VPS35L: variants seen among roughly 807,000 people sequenced by gnomAD.
VPS35L encodes the protein VPS35 endosomal protein-sorting factor-like.
In VPS35L, 83 loss-of-function variants were observed where a neutral mutation model predicts 133.0. That is an observed-to-expected ratio of 0.62 (90% CI 0.52 to 0.75). The LOEUF (loss-of-function observed/expected upper bound fraction) is 0.75, where lower values mean the gene tolerates loss of function less well. Among genes scored for constraint, VPS35L ranks in the 30% least tolerant of loss-of-function variants. The pLI is 0.00. For missense variants in VPS35L, 1,083 were observed against 1,206.8 expected (o/e 0.90, Z 1.52); for synonymous variants, 423 against 449.9 (o/e 0.94, Z 0.76).
chr16:19,569,575 C>T lies in VPS35L; in HGVS notation c.269C>T (p.Ala90Val), dbSNP rs1452799898. Residue 90 changes from alanine (A) to valine (V), a missense_variant, in exon 3 of 31, where the codon GCC becomes GTC. Coordinates refer to ENST00000417362, the MANE Select transcript of VPS35L (RefSeq NM_020314.7). ...SMFAATADPA[A>V]LAAAMDSSRR... ...TTTGCAGCCACTGCTGACCCCGCAG[C>T]CTTGGCAGCTGCCATGGTAATGCAC... 10 of 1,555,954 alleles carry T rather than the reference C, an allele frequency of 6.4e-6. No individual in the cohort carries two copies. The highest frequency in any genetic ancestry group is 1.4e-5 in the African/African-American group (1 of 72,910).
At position 19,569,448 on chromosome 16, in the gene VPS35L, G is replaced by T. The variant is rs749822818; in HGVS notation, c.142G>T (p.Val48Leu). Residue 48 changes from valine to leucine, a missense_variant, in exon 3 of 31, where the codon GTG (valine) becomes TTG (leucine). Coordinates refer to ENST00000417362, the MANE Select transcript of VPS35L (RefSeq NM_020314.7). ...ITVTESKTKK[V>L]NRKGSTSSTS... is the part of the protein sequence containing the mutation. The stretch of plus-strand genomic sequence containing the variant: ...GGTCACAGAGTCAAAGACAAAGAAA[G>T]TGAACCGGAAAGGAAGCACTTCTTC... 1 of 1,597,882 alleles carries T rather than the reference G, an allele frequency of 6.3e-7. No individual in the cohort carries two copies. The highest frequency in any genetic ancestry group is 1.3e-5 in the African/African-American group (1 of 74,562).
intron 6 of VPS35L, among the ~76,000 whole-genome samples, chr16:19,580,881 G>T (rs765804158): frequency 9.9e-5 from 15 of 152,034 alleles, no homozygotes; most frequent in Non-Finnish European, 1.8e-4. Flanking sequence ...TGAAATTGGG[G>T]TATATGTTCC....
At chr16:19,560,948 G>A (rs185248921) in intron 1 of VPS35L, among the ~76,000 whole-genome samples, 10 of 152,044 alleles carry the variant, frequency 6.6e-5, no homozygotes, top group Non-Finnish European at 1.5e-4. Context: ...TGGGATGGGA[G>A]TTTGGAGGAA....
At chr16:19,568,989 A>T (rs944266799) in intron 2 of VPS35L, among the ~76,000 whole-genome samples, 1 of 152,176 alleles carries the variant, frequency 6.6e-6, no homozygotes, top group African/African-American at 2.4e-5. Context: ...AAGGCAAAAA[A>T]AAAGTACCTG....
chr16:19,584,335 T>A (rs2151520412), intron 7 of VPS35L, among the ~76,000 whole-genome samples: 1 of 152,244 alleles, frequency 6.6e-6, no homozygotes, highest in African/African-American at 2.4e-5. Context: ...TGTGTAAGAG[T>A]TCCCTTTTCG....
chr16:19,689,124 G>A (rs1346276990), intron 28 of VPS35L, among the ~76,000 whole-genome samples: 2 of 150,108 alleles, frequency 1.3e-5, no homozygotes, highest in Admixed American at 6.7e-5. Context: ...GACTACAGGC[G>A]CGTGCCACCA....
At chr16:19,691,301 C>T in intron 28 of VPS35L, 52 bp from the exon 29 acceptor site, 1 of 1,477,126 alleles carries the variant, frequency 6.8e-7, no homozygotes, top group Non-Finnish European at 9.5e-7. Context: ...TCTCCCTGGC[C>T]AGCATGGCCG....
intron 5 of VPS35L, chr16:19,578,435 C>G: frequency 2.5e-6 from 1 of 401,620 alleles, no homozygotes; most frequent in Non-Finnish European, 4.8e-6. Flanking sequence ...CTGAAATAGA[C>G]GGCCGCAGAG....
chr16:19,582,371 A>G (rs919228248), intron 7 of VPS35L, among the ~76,000 whole-genome samples: 2 of 152,234 alleles, frequency 1.3e-5, no homozygotes, highest in African/African-American at 2.4e-5. Flanking sequence ...GACAGATCCC[A>G]TTCTCATTCC....
At chr16:19,581,850 T>C (rs1474349080) in intron 7 of VPS35L, 197 bp downstream of exon 7, 1 of 668,978 alleles carries the variant, frequency 1.5e-6, no homozygotes, top group Non-Finnish European at 2.5e-6. Flanking sequence ...GGTTACCATG[T>C]GCAGCTGCAC....
chr16:19,563,858 T>A (rs1971100913), intron 1 of VPS35L, among the ~76,000 whole-genome samples: 1 of 152,222 alleles, frequency 6.6e-6, no homozygotes, highest in Admixed American at 6.5e-5. Flanking sequence ...CTCCTGTTTA[T>A]CTGTGCAGCT....
intron 8 of VPS35L, among the ~76,000 whole-genome samples, chr16:19,596,879 C>T (rs1295339657): frequency 2.0e-5 from 3 of 151,728 alleles, no homozygotes; most frequent in Admixed American, 6.6e-5. Flanking sequence ...ATTAGCTGTG[C>T]GAGGTGGTAC....
chr16:19,653,411 C>T (rs1001705548), intron 26 of VPS35L, among the ~76,000 whole-genome samples: 1 of 152,224 alleles, frequency 6.6e-6, no homozygotes, highest in East Asian at 1.9e-4. Context: ...ATTTCATCCT[C>T]CCAGAAGCCA....
rs1270284332 is a variant in VPS35L, at chr16:19,633,543, G to A, written c.1635+371G>A. On this transcript the variant is annotated intron_variant, in intron 19 of 30. Coordinates refer to ENST00000417362, the MANE Select transcript of VPS35L (RefSeq NM_020314.7). The surrounding 1 kb of genome is among the most constrained non-coding windows in gnomAD (Gnocchi z 4.1). ...TTTTTTCCTTTTTTTTTGAAACAGG[G>A]TCTCGCTCAGTCACGGAGGCTGGAG... is the stretch of plus-strand genomic sequence containing the variant. 6.6e-6 allele frequency among the ~76,000 whole-genome samples: 1 copy of A among 152,070 alleles called. No individual in the cohort carries two copies. Among genetic ancestry groups the A allele is most frequent in the Non-Finnish European group, 1.5e-5 (1 of 68,006 alleles).
chr16:19,700,145 A>T (rs2151634325), intron 30 of VPS35L, among the ~76,000 whole-genome samples: 1 of 152,286 alleles, frequency 6.6e-6, no homozygotes, highest in African/African-American at 2.4e-5. Flanking sequence ...CCCTCTGAAT[A>T]GGAACCATAC....
chr16:19,569,474 C>G lies in VPS35L; in HGVS notation c.168C>G (p.Ser56=). The change falls in exon 3 of 31, where the codon TCC becomes TCG. Residue 56 remains serine, a synonymous_variant. Coordinates refer to ENST00000417362, the MANE Select transcript of VPS35L (RefSeq NM_020314.7). ...KKVNRKGSTS[S]TSSSSSSSVV... ...TGAACCGGAAAGGAAGCACTTCTTC[C>G]ACGTCCTCCTCCTCCTCCAGCTCCG... The G allele has an allele frequency of 6.2e-7, 1 of 1,607,790 alleles. No individual in the cohort carries two copies. Among genetic ancestry groups the G allele is most frequent in the Admixed American group, 1.7e-5 (1 of 59,146 alleles).
At chr16:19,578,147 C>G (rs971512022) in intron 5 of VPS35L, among the ~76,000 whole-genome samples, 2 of 152,210 alleles carry the variant, frequency 1.3e-5, no homozygotes, top group Non-Finnish European at 2.9e-5. Context: ...TACATATTAT[C>G]TATGCCTGCT....
intron 22 of VPS35L, 47 bp downstream of exon 22, chr16:19,642,523 G>A: frequency 1.3e-6 from 2 of 1,508,304 alleles, no homozygotes; most frequent in Non-Finnish European, 1.8e-6. Context: ...GGGTCTTAAT[G>A]CCACCTAATA....
intron 16 of VPS35L, among the ~76,000 whole-genome samples, chr16:19,628,312 C>T (rs559831562): frequency 2.9e-4 from 44 of 152,240 alleles, no homozygotes; most frequent in Admixed American, 7.2e-4. Context: ...CTGCAGTGAG[C>T]CATGATTATG....
Sources: gnomAD v4.1 joint callset for allele counts (sites outside exome capture counted in the v4.1 genomes callset) on GRCh38, gnomAD v4.1.1 for gene constraint, Gnocchi (gnomAD v3.1) non-coding constraint, MANE v1.5 for transcripts, NCBI Gene and HGNC (gene_info 2026-07-23, HGNC 2026-07-21) for gene names.